The following SUGCT variants were observed in gnomAD, a reference collection of about 807,000 sequenced individuals.
SUGCT encodes succinyl-CoA:glutarate CoA-transferase.
A neutral mutation model predicts 55.0 loss-of-function variants in SUGCT; 41 were observed. The observed-to-expected ratio is 0.74, with a 90% CI of 0.58 to 0.97. The LOEUF (loss-of-function observed/expected upper bound fraction) is 0.97, where lower values mean the gene tolerates loss of function less well. Ranked by LOEUF, SUGCT falls within the 50% of genes least tolerant of loss-of-function variation. The pLI is 0.00. For synonymous variants in SUGCT, 187 were observed against 200.4 expected (o/e 0.93, Z 0.56); for missense variants, 568 against 547.8 (o/e 1.04, Z -0.37).
intron 8 of SUGCT, among the ~76,000 whole-genome samples, chr7:40,290,348 G>A (rs532781983): frequency 3.9e-5 from 6 of 152,232 alleles, no homozygotes; most frequent in African/African-American, 9.6e-5. Context: ...CAGAAATAAT[G>A]CCACATATCT....
chr7:40,478,846 A>G (rs944059601), intron 11 of SUGCT, among the ~76,000 whole-genome samples: 1 of 152,110 alleles, frequency 6.6e-6, no homozygotes, highest in African/African-American at 2.4e-5. Context: ...TCTAATATTA[A>G]TCTAATCCAT....
intron 9 of SUGCT, among the ~76,000 whole-genome samples, chr7:40,403,648 C>T (rs947955596): frequency 5.3e-5 from 8 of 152,274 alleles, no homozygotes; most frequent in Non-Finnish European, 8.8e-5. Flanking sequence ...GACTTGAACA[C>T]AGGACAGAGT....
the SUGCT span, among the ~76,000 whole-genome samples, chr7:41,017,263 T>C: frequency 6.6e-6 from 1 of 152,112 alleles, no homozygotes; most frequent in Non-Finnish European, 1.5e-5. Context: ...CCTGGGTTAT[T>C]GGAAAAGCCC....
Position 40,475,551 on chromosome 7 carries a change from G to C in SUGCT, c.986+16353G>C, listed in dbSNP as rs77612961. Among the ~76,000 whole-genome samples the C allele has an allele frequency of 2.3e-3, 356 of 152,270 alleles. 1 individual carries two copies. Among genetic ancestry groups the C allele is most frequent in the Non-Finnish European group, 3.7e-3 (252 of 68,014 alleles). On this transcript the variant is annotated intron_variant, in intron 11 of 13. Coordinates refer to ENST00000335693, the MANE Select transcript of SUGCT (RefSeq NM_001193313.2). The stretch of plus-strand genomic sequence containing the variant: ...TTTGCTTTAAGGAAACCATATTGGT[G>C]ACTAATTCTTACTATTTCCTTTTCT...
the SUGCT span, among the ~76,000 whole-genome samples, chr7:40,986,300 C>T: frequency 0.039 from 5,989 of 152,236 alleles, 151 homozygotes; most frequent in South Asian, 0.071. Flanking sequence ...ATGTGGACTT[C>T]TTTAAGACAT....
At position 40,801,109 on chromosome 7, in the gene SUGCT, A is replaced by G. The variant is rs531802908; in HGVS notation, c.1153+51612A>G. ...CAGCAATAGTTCCATTGTGAGTACTAATAGGTAGAAAGAAGAAGATTCCTG... is the reference window on the plus strand; with the variant it reads ...CAGCAATAGTTCCATTGTGAGTACTGATAGGTAGAAAGAAGAAGATTCCTG... On this transcript the variant is annotated intron_variant, in intron 13 of 13. Coordinates refer to ENST00000335693, the MANE Select transcript of SUGCT (RefSeq NM_001193313.2). 2.8e-4 allele frequency among the ~76,000 whole-genome samples: 43 copies of G among 152,320 alleles called. 1 individual carries two copies. In the South Asian group the frequency reaches 8.9e-3, roughly 32 times the overall value.
At chr7:40,459,224 A>G in intron 11 of SUGCT, 26 bp downstream of exon 11, 1 of 1,415,324 alleles carries the variant, frequency 7.1e-7, no homozygotes, top group Non-Finnish European at 9.9e-7. Flanking sequence ...GTATTCATCC[A>G]TTTAAGAATT....
At chr7:40,888,152 C>A in the SUGCT span, among the ~76,000 whole-genome samples, 1 of 152,172 alleles carries the variant, frequency 6.6e-6, no homozygotes, top group Non-Finnish European at 1.5e-5. Context: ...AGTGGCTACA[C>A]AGACCGAGAG....
chr7:40,630,619 A>T (rs1157386145), intron 12 of SUGCT, among the ~76,000 whole-genome samples: 1 of 152,214 alleles, frequency 6.6e-6, no homozygotes, highest in Admixed American at 6.5e-5. Flanking sequence ...AATAAATGTT[A>T]AAAAAACAAA....
chr7:40,540,379 G>A (rs921722419), intron 12 of SUGCT, among the ~76,000 whole-genome samples: 2 of 152,194 alleles, frequency 1.3e-5, no homozygotes, highest in African/African-American at 4.8e-5. Flanking sequence ...GTATATTGCA[G>A]AGCCAAAATT....
chr7:40,760,182 C>T (rs1788461536), intron 13 of SUGCT, among the ~76,000 whole-genome samples: 1 of 152,172 alleles, frequency 6.6e-6, no homozygotes, highest in African/African-American at 2.4e-5. Context: ...CAAATTTCCT[C>T]TTGCTGACCT....
At chr7:40,365,134 G>A (rs1165339064) in intron 9 of SUGCT, among the ~76,000 whole-genome samples, 28 of 152,064 alleles carry the variant, frequency 1.8e-4, no homozygotes, top group Admixed American at 1.8e-3. Context: ...ATGTAATCCG[G>A]CATATAAACA....
chr7:40,893,435 T>C, the SUGCT span, among the ~76,000 whole-genome samples: 5 of 152,164 alleles, frequency 3.3e-5, no homozygotes, highest in African/African-American at 1.2e-4. Flanking sequence ...AAGGATAAGG[T>C]AGGCCATGAA....
chr7:40,336,791 C>T (rs1485865185), intron 9 of SUGCT, among the ~76,000 whole-genome samples: 1 of 152,128 alleles, frequency 6.6e-6, no homozygotes, highest in Non-Finnish European at 1.5e-5. Flanking sequence ...CTTCTGCTAG[C>T]TTTTGAATGT....
chr7:40,459,837 G>A (rs2151447125), intron 11 of SUGCT, among the ~76,000 whole-genome samples: 1 of 152,124 alleles, frequency 6.6e-6, no homozygotes, highest in Admixed American at 6.5e-5. Context: ...TGTAATACCT[G>A]TACCAATTTT....
At chr7:40,668,227 T>C (rs529031230) in intron 12 of SUGCT, among the ~76,000 whole-genome samples, 1 of 152,336 alleles carries the variant, frequency 6.6e-6, no homozygotes, top group Non-Finnish European at 1.5e-5. Flanking sequence ...TGTCTTCACA[T>C]ATGCAGTGCA....
intron 11 of SUGCT, among the ~76,000 whole-genome samples, chr7:40,465,749 A>G (rs1790069829): frequency 6.6e-6 from 1 of 152,200 alleles, no homozygotes; most frequent in South Asian, 2.1e-4. Context: ...TGATGGAGCA[A>G]TTGTAACTTC....
intron 12 of SUGCT, among the ~76,000 whole-genome samples, chr7:40,724,207 TG>T (rs1786494137): frequency 6.6e-6 from 1 of 152,134 alleles, no homozygotes; most frequent in South Asian, 2.1e-4. Flanking sequence ...TTTCTTCACA[TG>T]GGGGAACTAT....
intron 7 of SUGCT, among the ~76,000 whole-genome samples, chr7:40,257,833 C>T (rs1247605711): frequency 6.6e-6 from 1 of 152,088 alleles, no homozygotes; most frequent in Admixed American, 6.5e-5. Context: ...GAGATCATGC[C>T]ACTGTACTCT....
Sources: allele counts gnomAD v4.1 joint callset (sites outside exome capture counted in the v4.1 genomes callset), GRCh38; gene constraint gnomAD v4.1.1; transcripts MANE v1.5; gene names NCBI Gene and HGNC (gene_info 2026-07-23, HGNC 2026-07-21).